The following PRKD1 variants were observed in gnomAD, a reference collection of about 807,000 sequenced individuals.
PRKD1 encodes protein kinase D1.
A neutral mutation model predicts 95.9 loss-of-function variants in PRKD1; 63 were observed. The ratio of observed to expected loss-of-function variants is 0.66; its 90% confidence interval spans 0.54 to 0.81. The LOEUF (loss-of-function observed/expected upper bound fraction) is 0.81, where lower values mean the gene tolerates loss of function less well. PRKD1 is among the 30% of genes least tolerant of loss of function. PRKD1 has a pLI of 0.00. For synonymous variants in PRKD1, 425 were observed against 423.1 expected, an observed-to-expected ratio of 1.00 and a Z score of -0.05; for missense variants, 1,048 against 1,165.3, an observed-to-expected ratio of 0.90 and a Z score of 1.47.
chr14:29,784,450 G>A (rs1191655966), intron 1 of PRKD1, among the ~76,000 whole-genome samples: 1 of 152,138 alleles, frequency 6.6e-6, no homozygotes, highest in Non-Finnish European at 1.5e-5. Context: ...TATTTTGATA[G>A]AGATTGCATT....
intron 1 of PRKD1, among the ~76,000 whole-genome samples, chr14:29,845,753 G>A (rs768849959): frequency 1.3e-5 from 2 of 152,108 alleles, no homozygotes; most frequent in Non-Finnish European, 2.9e-5. Flanking sequence ...GAATACTATA[G>A]AATAACCAGC....
intron 13 of PRKD1, among the ~76,000 whole-genome samples, chr14:29,619,820 T>C (rs1315209667): frequency 2.6e-5 from 4 of 152,116 alleles, no homozygotes; most frequent in African/African-American, 7.2e-5. Context: ...TATCTGACAA[T>C]GGTAAAAAGG....
chr14:29,756,226 T>A (rs1230710662), intron 1 of PRKD1, among the ~76,000 whole-genome samples: 1 of 152,150 alleles, frequency 6.6e-6, no homozygotes, highest in Non-Finnish European at 1.5e-5. Flanking sequence ...ACAAACTGAA[T>A]TTTAACTGTA....
intron 4 of PRKD1, among the ~76,000 whole-genome samples, chr14:29,643,083 T>A (rs115404357): frequency 0.028 from 4,271 of 152,236 alleles, 180 homozygotes; most frequent in African/African-American, 0.091. Flanking sequence ...ATGCATTTTT[T>A]AAAATTTTAT....
At position 29,642,108 on chromosome 14, in the gene PRKD1, C is replaced by T. The variant is rs375744111; in HGVS notation, c.697-3204G>A. Among the ~76,000 whole-genome samples, 83 of 151,710 alleles carry T rather than the reference C, an allele frequency of 5.5e-4. 3 individuals carry two copies. The South Asian group carries it at 0.015, about 28-fold the overall frequency. On this transcript the variant is annotated intron_variant, in intron 4 of 17. Transcript: ENST00000331968. ...AGTAGAGACAGGGTTTCTCCATGTT[C>T]GTCAGGCTGGTCTCGAACTCCTGAC...
intron 1 of PRKD1, among the ~76,000 whole-genome samples, chr14:29,748,555 G>C (rs1032595893): frequency 6.6e-6 from 1 of 152,170 alleles, no homozygotes; most frequent in East Asian, 1.9e-4. Context: ...AAATCTGATG[G>C]AATAAGATCT....
chr14:29,844,325 T>C (rs1407280941), intron 1 of PRKD1, among the ~76,000 whole-genome samples: 1 of 152,190 alleles, frequency 6.6e-6, no homozygotes, highest in Non-Finnish European at 1.5e-5. Flanking sequence ...ATAGAACTTT[T>C]AGCATAAGAA....
chr14:29,735,510 G>C (rs1259284766), intron 1 of PRKD1, among the ~76,000 whole-genome samples: 1 of 152,192 alleles, frequency 6.6e-6, no homozygotes, highest in African/African-American at 2.4e-5. Flanking sequence ...GGGCGTGTAT[G>C]AAAATAATAG....
At chr14:29,897,087 T>C (rs1317786114) in intron 1 of PRKD1, among the ~76,000 whole-genome samples, 1 of 152,048 alleles carries the variant, frequency 6.6e-6, no homozygotes, top group Non-Finnish European at 1.5e-5. Context: ...AGAGTATCTT[T>C]CTAGATTTCT....
chr14:29,881,994 G>T (rs1893530929), intron 1 of PRKD1, among the ~76,000 whole-genome samples: 1 of 151,962 alleles, frequency 6.6e-6, no homozygotes, highest in South Asian at 2.1e-4. Flanking sequence ...TTCTATTTCT[G>T]TGTTATTCTC....
intron 4 of PRKD1, among the ~76,000 whole-genome samples, chr14:29,642,911 G>A (rs931108705): frequency 8.9e-6 from 1 of 112,244 alleles, no homozygotes; most frequent in Non-Finnish European, 2.1e-5. Flanking sequence ...TCTGCAGAAT[G>A]ATTTTTTTTT....
At chr14:29,904,580 A>C (rs551983881) in intron 1 of PRKD1, among the ~76,000 whole-genome samples, 1 of 152,338 alleles carries the variant, frequency 6.6e-6, no homozygotes, top group East Asian at 1.9e-4. Context: ...CACTAGCAAT[A>C]ATAATTGCTA....
chr14:29,725,779 T>C (rs1308280283), intron 1 of PRKD1, 105 bp from the exon 2 acceptor site: 3 of 1,079,854 alleles, frequency 2.8e-6, no homozygotes, highest in African/African-American at 3.2e-5. Context: ...AAGTTCAAAG[T>C]ATCTAGATCA....
At chr14:29,852,406 T>C (rs1035464275) in intron 1 of PRKD1, among the ~76,000 whole-genome samples, 14 of 152,012 alleles carry the variant, frequency 9.2e-5, no homozygotes, top group Admixed American at 5.2e-4. Flanking sequence ...AACTTGAAGA[T>C]AGAACACTGG....
At chr14:29,591,158 T>C (rs2138986921) in intron 16 of PRKD1, 1 of 152,328 alleles carries the variant, frequency 6.6e-6, no homozygotes, top group Non-Finnish European at 1.5e-5. Flanking sequence ...ATACAACTTT[T>C]TGTATTTCCC....
intron 1 of PRKD1, among the ~76,000 whole-genome samples, chr14:29,733,517 G>C (rs915346791): frequency 6.6e-6 from 1 of 152,136 alleles, no homozygotes; most frequent in East Asian, 1.9e-4. Context: ...AAGAAAAGAG[G>C]TTTAATTGAC....
chr14:29,744,689 G>C (rs556898029), intron 1 of PRKD1, among the ~76,000 whole-genome samples: 25 of 152,244 alleles, frequency 1.6e-4, no homozygotes, highest in African/African-American at 6.0e-4. Context: ...TGGGATTACA[G>C]GTGCCCGCCA....
chr14:29,706,628 TAAC>T (rs1885105305), intron 2 of PRKD1, among the ~76,000 whole-genome samples: 1 of 152,158 alleles, frequency 6.6e-6, no homozygotes, highest in African/African-American at 2.4e-5. Context: ...GGGATAATAA[TAAC>T]AACAAGAAGA....
At chr14:29,812,257 T>C (rs1003327200) in intron 1 of PRKD1, among the ~76,000 whole-genome samples, 1 of 152,148 alleles carries the variant, frequency 6.6e-6, no homozygotes, top group South Asian at 2.1e-4. Flanking sequence ...CGAAGCCCTA[T>C]TAAAAGGACA....
Sources: allele counts gnomAD v4.1 joint callset (sites outside exome capture counted in the v4.1 genomes callset), GRCh38; gene constraint gnomAD v4.1.1; transcripts MANE v1.5; gene names NCBI Gene and HGNC (gene_info 2026-07-23, HGNC 2026-07-21).